Variants in FRMD4B observed in about 807,000 individuals in gnomAD.
The protein encoded by FRMD4B is FERM domain-containing protein 4B.
Under a neutral mutation model 141.5 loss-of-function variants are expected in FRMD4B, and 74 were observed. The ratio of observed to expected loss-of-function variants is 0.52; its 90% CI spans 0.43 to 0.63. The LOEUF is 0.63. FRMD4B is among the 30% of genes least tolerant of loss of function. FRMD4B has a pLI of 0.00. For missense variants in FRMD4B, 1,366 were observed against 1,253.4 expected (o/e 1.09, Z -1.36); for synonymous variants, 506 against 467.9 (o/e 1.08, Z -1.05).
rs891526347 is a variant in FRMD4B at position 69,477,378 on chromosome 3, A to C, written c.-128-44617T>G. Among the ~76,000 whole-genome samples, 8 of 147,156 alleles carry C rather than the reference A, an allele frequency of 5.4e-5. 1 individual carries two copies. Among genetic ancestry groups the C allele is most frequent in the Non-Finnish European group, 1.2e-4 (8 of 67,296 alleles). ...GCTCTTATAATTTGAGATACGTCCCATCAATACCTAATTTACTGAGAGTTT... is the reference window on the plus strand; with the variant it reads ...GCTCTTATAATTTGAGATACGTCCCCTCAATACCTAATTTACTGAGAGTTT... On this transcript the variant is annotated intron_variant, in intron 1 of 5. Coordinates refer to the FRMD4B transcript ENST00000459638.
At chr3:69,456,325 A>T (rs1032550062) in intron 1 of FRMD4B, among the ~76,000 whole-genome samples, 1 of 152,242 alleles carries the variant, frequency 6.6e-6, no homozygotes, top group African/African-American at 2.4e-5. Flanking sequence ...GATCATGCTT[A>T]GCAAAAGACT....
At chr3:69,335,477 T>A (rs1702514174) in intron 1 of FRMD4B, among the ~76,000 whole-genome samples, 1 of 150,460 alleles carries the variant, frequency 6.6e-6, no homozygotes, top group Admixed American at 6.6e-5. Context: ...GTTCAAGCAA[T>A]TCTCCTGCTT....
intron 1 of FRMD4B, among the ~76,000 whole-genome samples, chr3:69,441,580 T>A (rs1705343998): frequency 6.6e-6 from 1 of 152,214 alleles, no homozygotes; most frequent in Admixed American, 6.5e-5. Context: ...TGGTGTATTA[T>A]TCCCCACGAT....
upstream of FRMD4B, among the ~76,000 whole-genome samples, chr3:69,390,442 T>G (rs1312686643): frequency 6.6e-6 from 1 of 152,180 alleles, no homozygotes; most frequent in African/African-American, 2.4e-5. Flanking sequence ...GAAGACGTTT[T>G]TGGTTGTCGC....
rs567419247 is a variant in FRMD4B at position 69,437,764 on chromosome 3, A to T, written c.-128-5003T>A. On this transcript the variant is annotated intron_variant, in intron 1 of 5. Transcript: ENST00000459638. ...AATACTATATAAAGTATGTATAAATACTATATATACTATATATACTATATT... is the reference window on the plus strand; with the variant it reads ...AATACTATATAAAGTATGTATAAATTCTATATATACTATATATACTATATT... Among the ~76,000 whole-genome samples, 429 of 129,122 alleles carry T rather than the reference A, an allele frequency of 3.3e-3. 6 individuals are homozygous for T. Among genetic ancestry groups the T allele is most frequent in the African/African-American group, 0.012 (397 of 32,612 alleles). 84.7% of individuals were successfully genotyped at this position (129,122 alleles called of 152,430 possible).
chr3:69,202,001 C>T lies in FRMD4B; in HGVS notation c.877-3227G>A, dbSNP rs143606270. On this transcript the variant is annotated intron_variant, in intron 11 of 22. Coordinates refer to ENST00000398540, the MANE Select transcript of FRMD4B (RefSeq NM_015123.3). ...GGTGGATCACCTGAGGTCAGGAGTT[C>T]GGGACCAGCCTGAACAACATGGTGA... 5.1e-3 allele frequency among the ~76,000 whole-genome samples: 773 copies of T among 152,168 alleles called. 8 individuals carry two copies. Among genetic ancestry groups the T allele is most frequent in the African/African-American group, 0.017 (726 of 41,516 alleles).
chr3:69,173,176 A>G (rs1293260539), intron 22 of FRMD4B, among the ~76,000 whole-genome samples: 2 of 152,198 alleles, frequency 1.3e-5, no homozygotes, highest in African/African-American at 4.8e-5. Flanking sequence ...GGAATGGAAA[A>G]TAGGAGGTGA....
intron 11 of FRMD4B, among the ~76,000 whole-genome samples, chr3:69,208,113 G>C (rs888997735): frequency 1.3e-5 from 2 of 151,882 alleles, no homozygotes; most frequent in African/African-American, 4.8e-5. Flanking sequence ...ACCCAGGCTA[G>C]AGTGCAATGG....
At chr3:69,277,068 G>A (rs1171157872) in intron 5 of FRMD4B, among the ~76,000 whole-genome samples, 1 of 152,158 alleles carries the variant, frequency 6.6e-6, no homozygotes, top group African/African-American at 2.4e-5. Flanking sequence ...TAAGAAATGG[G>A]GTAAGAGGGA....
chr3:69,539,775 G>A (rs1701137190), intron 1 of FRMD4B, among the ~76,000 whole-genome samples: 1 of 152,190 alleles, frequency 6.6e-6, no homozygotes, highest in East Asian at 1.9e-4. Context: ...AGTCCTTGGA[G>A]TTGCCTAAAT....
At chr3:69,262,459 C>CTTTTT (rs71618271) in intron 5 of FRMD4B, among the ~76,000 whole-genome samples, 10 of 86,822 alleles carry the variant, frequency 1.2e-4, no homozygotes, top group Non-Finnish European at 2.0e-4. Context: ...ACACAAATGA[C>CTTTTT]TTTTTTTTTT....
At chr3:69,331,904 A>G (rs188915191) in intron 1 of FRMD4B, among the ~76,000 whole-genome samples, 2 of 152,292 alleles carry the variant, frequency 1.3e-5, no homozygotes, top group Admixed American at 1.3e-4. Flanking sequence ...CCTGGCCAAG[A>G]TGGTGAAACC....
chr3:69,476,211 G>C (rs9840285), intron 1 of FRMD4B, among the ~76,000 whole-genome samples: 29,198 of 150,760 alleles, frequency 0.19, 3,593 homozygotes, highest in African/African-American at 0.35. Flanking sequence ...AGTTTAATTA[G>C]ATCCCATTTG....
chr3:69,380,219 C>T (rs993171676), intron 1 of FRMD4B, among the ~76,000 whole-genome samples: 8 of 152,170 alleles, frequency 5.3e-5, no homozygotes, highest in Non-Finnish European at 1.0e-4. Flanking sequence ...TGTGCTCTAC[C>T]GTGTGGAACA....
At chr3:69,250,993 C>T (rs564251873) in intron 5 of FRMD4B, among the ~76,000 whole-genome samples, 1 of 152,118 alleles carries the variant, frequency 6.6e-6, no homozygotes, top group African/African-American at 2.4e-5. Context: ...GGGTATAGCT[C>T]TATCAATAAT....
chr3:69,279,075 TAAAC>T lies in FRMD4B; in HGVS notation c.501+8673_501+8676del, dbSNP rs138894071. Among the ~76,000 whole-genome samples the T allele has an allele frequency of 7.8e-3, 1,179 of 151,874 alleles. 35 individuals are homozygous for T. The East Asian group carries it at 0.089, about 11-fold the overall frequency. ...TCACATAAAGGATAAGGGTAATAAA[TAAAC>T]AAATAAATAAACACAACACATACTA... On this transcript the variant is annotated intron_variant, in intron 5 of 22. Coordinates refer to ENST00000398540, the MANE Select transcript of FRMD4B (RefSeq NM_015123.3).
At chr3:69,242,140 G>C (rs772232559) in intron 7 of FRMD4B, among the ~76,000 whole-genome samples, 1 of 152,068 alleles carries the variant, frequency 6.6e-6, no homozygotes, top group Non-Finnish European at 1.5e-5. Flanking sequence ...ACAAAGAAAT[G>C]GTTCCAGAGA....
intron 1 of FRMD4B, among the ~76,000 whole-genome samples, chr3:69,320,617 G>GT (rs1701964991): frequency 6.6e-6 from 1 of 152,134 alleles, no homozygotes; most frequent in Non-Finnish European, 1.5e-5. Context: ...GAAAAGAGCT[G>GT]TATGTGGAGC....
intron 1 of FRMD4B, among the ~76,000 whole-genome samples, chr3:69,352,284 A>G (rs1310051334): frequency 3.3e-5 from 5 of 152,178 alleles, no homozygotes; most frequent in Non-Finnish European, 5.9e-5. Context: ...CTGCATTTGG[A>G]TAAGATTATA....
Sources: gnomAD v4.1 joint callset for allele counts (sites outside exome capture counted in the v4.1 genomes callset) on GRCh38, gnomAD v4.1.1 for gene constraint, MANE v1.5 for transcripts, NCBI Gene and HGNC (gene_info 2026-07-23, HGNC 2026-07-21) for gene names.